PRDM9: variants seen among roughly 807,000 people sequenced by gnomAD.
PRDM9 encodes the protein histone-lysine N-methyltransferase PRDM9.
In PRDM9, 47 loss-of-function variants were observed where a neutral mutation model predicts 55.6. The observed-to-expected ratio is 0.85, with a 90% confidence interval of 0.67 to 1.08. PRDM9 has a LOEUF of 1.08. Ranked by LOEUF, PRDM9 falls within the 50% of genes least tolerant of loss-of-function variation. The pLI is 0.00. For synonymous variants in PRDM9, 312 were observed against 375.7 expected, an observed-to-expected ratio of 0.83 and a Z score of 1.96; for missense variants, 867 against 1,040.3, an observed-to-expected ratio of 0.83 and a Z score of 2.29.
chr5:23,512,254 C>T (rs983702329), intron 4 of PRDM9, among the ~76,000 whole-genome samples: 1 of 152,066 alleles, frequency 6.6e-6, no homozygotes, highest in Non-Finnish European at 1.5e-5. Flanking sequence ...TGATCTTTCC[C>T]ATATGTCACT....
intron 2 of PRDM9, 109 bp downstream of exon 2, chr5:23,509,211 TG>T: frequency 1.4e-6 from 2 of 1,458,670 alleles, no homozygotes; most frequent in South Asian, 1.2e-5. Flanking sequence ...GTGCATGGAA[TG>T]GGGGCAGCTG....
Position 23,526,556 on chromosome 5 carries a change from G to A in PRDM9, c.1468G>A (p.Gly490Arg). The change falls in exon 11 of 11, where the codon GGA becomes AGA. Residue 490 changes from glycine to arginine, a missense_variant. Physicochemically the swap from Gly to Arg is moderately radical, Grantham distance 125. This residue lies in a region of PRDM9 where 662 missense variants were observed against 711.9 expected (regional missense o/e 0.93). Transcript: ENST00000296682. ...AGGACAAATGGGGAGCTGTAGAGTG[G>A]GAAAAAGAATAATGGAAGAAGAGTC... is the stretch of plus-strand genomic sequence containing the variant. ...PKGQMGSCRV[G>R]KRIMEEESRT... is the part of the protein sequence containing the mutation. 3 of 1,614,142 alleles carry A rather than the reference G, an allele frequency of 1.9e-6. No homozygotes were observed. Among genetic ancestry groups the A allele is most frequent in the Non-Finnish European group, 2.5e-6 (3 of 1,180,022 alleles).
intron 10 of PRDM9, among the ~76,000 whole-genome samples, chr5:23,524,766 C>T (rs1456086765): frequency 6.6e-6 from 1 of 152,190 alleles, no homozygotes; most frequent in Non-Finnish European, 1.5e-5. Context: ...AAGTATATAA[C>T]AGCATATAGT....
intron 4 of PRDM9, among the ~76,000 whole-genome samples, chr5:23,517,014 G>A (rs10057021): frequency 0.96 from 144,259 of 150,648 alleles, 69,153 homozygotes; most frequent in Admixed American, 0.98. Context: ...TTAGCTGGGC[G>A]TGGTGGTGGG....
chr5:23,508,462 C>A (rs555957416), intron 1 of PRDM9, among the ~76,000 whole-genome samples: 1 of 152,158 alleles, frequency 6.6e-6, no homozygotes, highest in Non-Finnish European at 1.5e-5. Flanking sequence ...AATAGCTTCC[C>A]CTTAGAGATG....
In PRDM9 at chr5:23,509,465, T is replaced by G; in HGVS notation, c.70-5T>G. 3.7e-6 allele frequency: 6 copies of G among 1,614,148 alleles called. No individual in the cohort carries two copies. The highest frequency in any genetic ancestry group is 5.1e-6 in the Non-Finnish European group (6 of 1,180,020). On this transcript the variant is annotated splice_polypyrimidine_tract_variant and splice_region_variant and intron_variant, in intron 2 of 10. Transcript: ENST00000296682. ...ATCACTGATGGAATCTGTTACTTCC[T>G]CTAGGTCAAAGATGCCTTCAAAGAC...
rs1288376885 is a variant in PRDM9 at position 23,527,880 on chromosome 5, C to T, written c.*107C>T. The stretch of plus-strand genomic sequence containing the variant: ...GTGGCTTCAGCGGAAGTCTGCTGAC[C>T]CCTTATATTCCCCGAGAGTATAAAG... On this transcript the variant is annotated 3_prime_UTR_variant, in exon 11 of 11. Transcript: ENST00000296682. The T allele has an allele frequency of 7.5e-7, 1 of 1,331,220 alleles. No homozygotes were observed. 82.5% of individuals were successfully genotyped at this position (1,331,220 alleles called of 1,614,324 possible).
intron 6 of PRDM9, 108 bp downstream of exon 6, chr5:23,521,287 C>G (rs1739324139): frequency 7.9e-7 from 1 of 1,258,456 alleles, no homozygotes; most frequent in Non-Finnish European, 1.1e-6. Context: ...TGGGCTTAAG[C>G]TGGACTCAAC....
intron 4 of PRDM9, among the ~76,000 whole-genome samples, chr5:23,516,754 C>G (rs1739218009): frequency 6.8e-6 from 1 of 147,608 alleles, no homozygotes; most frequent in Non-Finnish European, 1.5e-5. Context: ...GGGTCTCGCT[C>G]TGTCGCCCAG....
Position 23,527,499 on chromosome 5 carries a change from A to C in PRDM9, c.2411A>C (p.Tyr804Ser), listed in dbSNP as rs774157113. 2 of 1,580,094 alleles carry C rather than the reference A, an allele frequency of 1.3e-6. No individual in the cohort carries two copies. The highest frequency in any genetic ancestry group is 1.7e-6 in the Non-Finnish European group (2 of 1,169,624). The change falls in exon 11 of 11, where the codon TAT (tyrosine) becomes TCT (serine). Residue 804 changes from tyrosine (Y) to serine (S), a missense_variant. This residue lies in a region of PRDM9 where 92 missense variants were observed against 185.7 expected (regional missense o/e 0.50). Coordinates refer to ENST00000296682, the MANE Select transcript of PRDM9 (RefSeq NM_020227.4). ...HQRTHTGEKP[Y>S]VCRECGRGFS... ...AGGACACACACAGGGGAGAAGCCCT[A>C]TGTCTGCAGGGAGTGTGGGCGGGGC...
At chr5:23,521,606 G>T (rs1049044371) in intron 6 of PRDM9, among the ~76,000 whole-genome samples, 14 of 152,174 alleles carry the variant, frequency 9.2e-5, no homozygotes, top group African/African-American at 3.4e-4. Context: ...CCAAAATGCT[G>T]GGATTACAGG....
intron 4 of PRDM9, among the ~76,000 whole-genome samples, chr5:23,512,838 T>C (rs780711829): frequency 1.3e-5 from 2 of 152,202 alleles, no homozygotes; most frequent in Admixed American, 6.6e-5. Flanking sequence ...TTTGATTACT[T>C]TAGATACCTC....
chr5:23,526,835 A>T lies in PRDM9; in HGVS notation c.1747A>T (p.Arg583Trp), dbSNP rs755014262. The T allele has an allele frequency of 5.0e-6, 8 of 1,607,024 alleles. No homozygotes were observed. In the Admixed American group the frequency reaches 1.4e-4, roughly 27 times the overall value. ...IHTGEKPYVCRECGRGFSWQS... is the reference protein window; with the variant it reads ...IHTGEKPYVCWECGRGFSWQS... ...CACAGGGGAGAAGCCCTATGTCTGC[A>T]GGGAGTGTGGGCGGGGCTTTAGCTG... The change falls in exon 11 of 11, where the codon AGG (arginine) becomes TGG (tryptophan). Residue 583 changes from arginine (R) to tryptophan (W), a missense_variant. Transcript: ENST00000296682.
At chr5:23,515,654 A>G (rs1398831079) in intron 4 of PRDM9, among the ~76,000 whole-genome samples, 1 of 152,158 alleles carries the variant, frequency 6.6e-6, no homozygotes, top group Non-Finnish European at 1.5e-5. Flanking sequence ...TAGGTTTTAC[A>G]TTTCAGTCTT....
At chr5:23,515,216 C>T (rs775729687) in intron 4 of PRDM9, among the ~76,000 whole-genome samples, 13 of 152,128 alleles carry the variant, frequency 8.5e-5, no homozygotes, top group Middle Eastern at 3.4e-3. Flanking sequence ...CCATCTGCCT[C>T]GGCCACCCAA....
intron 4 of PRDM9, among the ~76,000 whole-genome samples, chr5:23,515,845 T>A (rs537116781): frequency 2.0e-3 from 301 of 152,344 alleles, no homozygotes; most frequent in African/African-American, 6.9e-3. Flanking sequence ...ATTTCTGGCC[T>A]CTCTATTCTG....
chr5:23,515,185 G>A (rs781715184), intron 4 of PRDM9, among the ~76,000 whole-genome samples: 2 of 151,576 alleles, frequency 1.3e-5, no homozygotes, highest in Admixed American at 1.3e-4. Flanking sequence ...GGCTGGTCAT[G>A]AACTCCTGAC....
chr5:23,522,075 T>A (rs1011816871), intron 6 of PRDM9, among the ~76,000 whole-genome samples: 9 of 152,148 alleles, frequency 5.9e-5, no homozygotes, highest in African/African-American at 1.4e-4. Context: ...GTAGAAATGT[T>A]GGGAGGTTAA....
In PRDM9 at chr5:23,527,728, GAC is replaced by G. The variant is rs1561023648; in HGVS notation, c.2648_2649del (p.Thr883ArgfsTer11). The G allele has an allele frequency of 6.2e-7, 1 of 1,613,390 alleles. No homozygotes were observed. Among genetic ancestry groups the G allele is most frequent in the Non-Finnish European group, 8.5e-7 (1 of 1,179,774 alleles). On this transcript the variant is annotated frameshift_variant, in exon 11 of 11. Coordinates refer to ENST00000296682, the MANE Select transcript of PRDM9 (RefSeq NM_020227.4). LOFTEE classifies it low-confidence loss of function (END_TRUNC). The part of the protein sequence containing the change: ...DRSSLCYHQR[T>X]HTGEKPYVCR... ...GGTCAAGCCTCTGCTATCACCAGAG[GAC>G]ACACACAGGGGAGAAGCCCTACGTC...
Sources: allele counts gnomAD v4.1 joint callset (sites outside exome capture counted in the v4.1 genomes callset), GRCh38; gene constraint gnomAD v4.1.1; regional missense constraint gnomAD v4.1.1; transcripts MANE v1.5; gene names NCBI Gene and HGNC (gene_info 2026-07-23, HGNC 2026-07-21).